Variants in CD4 observed in about 807,000 individuals in gnomAD.
CD4 encodes the protein CD4 molecule.
In CD4, 25 loss-of-function variants were observed where a neutral mutation model predicts 50.5. That is an observed-to-expected ratio of 0.49 (90% confidence interval 0.36 to 0.69). CD4 has a LOEUF of 0.69. CD4 is among the 30% of genes least tolerant of loss of function. The probability of loss-of-function intolerance (pLI) is 0.00; values close to 1 mark genes in which losing one functional copy is unlikely to be tolerated. For missense variants in CD4, 456 were observed against 548.5 expected (o/e 0.83, Z 1.68); for synonymous variants, 207 against 221.9 (o/e 0.93, Z 0.60).
chr12:6,814,115 C>T, intron 3 of CD4, 27 bp from the exon 4 acceptor site: 4 of 1,598,346 alleles, frequency 2.5e-6, no homozygotes, highest in Non-Finnish European at 3.4e-6. Flanking sequence ...GCGCCTCAGT[C>T]CCCCCCCATA....
chr12:6,816,235 G>T lies in CD4; in HGVS notation c.787G>T (p.Val263Leu), dbSNP rs202234884. Residue 263 changes from valine (V) to leucine (L), a missense_variant, in exon 6 of 10, where the codon GTA becomes TTA. Val to Leu is a conservative substitution (Grantham distance 32). Coordinates refer to ENST00000011653, the MANE Select transcript of CD4 (RefSeq NM_000616.5). The surrounding 1 kb of genome is among the most constrained non-coding windows in gnomAD (Gnocchi z 4.9). ...TFDLKNKEVS[V>L]KRVTQDPKLQ... is the part of the protein sequence containing the mutation. ...TGACCTGAAGAACAAGGAAGTGTCT[G>T]TAAAACGGGTTACCCAGGACCCTAA... 7 of 1,614,224 alleles carry T rather than the reference G, an allele frequency of 4.3e-6. No individual in the cohort carries two copies. Among genetic ancestry groups the T allele is most frequent in the Non-Finnish European group, 5.9e-6 (7 of 1,180,030 alleles).
At chr12:6,801,197 T>C (rs1209592621) in intron 3 of CD4, among the ~76,000 whole-genome samples, 5 of 151,008 alleles carry the variant, frequency 3.3e-5, no homozygotes, top group Non-Finnish European at 7.4e-5. Flanking sequence ...TGTGTCACTA[T>C]GCCTAGCCAA....
At chr12:6,815,460 G>C (rs1437803507) in intron 5 of CD4, among the ~76,000 whole-genome samples, 1 of 152,074 alleles carries the variant, frequency 6.6e-6, no homozygotes, top group African/African-American at 2.4e-5. Context: ...CTGTCCCCTG[G>C]GTGCTTATGT....
In CD4 at chr12:6,814,980, A is replaced by T. The variant is rs782497073; in HGVS notation, c.595A>T (p.Ile199Phe). The change falls in exon 5 of 10, where the codon ATC (isoleucine) becomes TTC (phenylalanine). Residue 199 changes from isoleucine (I) to phenylalanine (F), a missense_variant. Physicochemically the swap from Ile to Phe is conservative, Grantham distance 21. Coordinates refer to ENST00000011653, the MANE Select transcript of CD4 (RefSeq NM_000616.5). ...NQKKVEFKID[I>F]VVLAFQKASS... ...GAAGAAGGTGGAGTTCAAAATAGAC[A>T]TCGTGGTGCTAGGTAAGGGAAGCCC... 1.1e-4 allele frequency: 182 copies of T among 1,611,184 alleles called. 1 individual carries two copies. In the East Asian group the frequency reaches 3.9e-3, roughly 35 times the overall value.
At position 6,800,390 on chromosome 12, in the gene CD4, CAGA is replaced by C. The variant is rs571941158; in HGVS notation, c.140_142del (p.Lys47del). The C allele has an allele frequency of 1.2e-5, 20 of 1,613,984 alleles. No individual in the cohort carries two copies. Among genetic ancestry groups the C allele is most frequent in the Non-Finnish European group, 1.6e-5 (19 of 1,179,882 alleles). Reference sequence around the variant, plus strand: ...AGTGGAACTGACCTGTACAGCTTCCCAGAAGAAGAGCATACAATTCCACTGGAA... The same window carrying C: ...AGTGGAACTGACCTGTACAGCTTCCCAGAAGAGCATACAATTCCACTGGAA... On this transcript the variant is annotated inframe_deletion, in exon 3 of 10. Transcript: ENST00000011653.
chr12:6,817,898 T>C (rs989338071), intron 7 of CD4, among the ~76,000 whole-genome samples: 1 of 150,002 alleles, frequency 6.7e-6, no homozygotes, highest in African/African-American at 2.5e-5. Flanking sequence ...TTCACGCACA[T>C]ACTCTCACCC....
chr12:6,796,644 CA>C (rs1217116220), intron 1 of CD4, among the ~76,000 whole-genome samples: 1 of 152,244 alleles, frequency 6.6e-6, no homozygotes, highest in East Asian at 1.9e-4. Context: ...ACATCTTTAC[CA>C]AAAAATCAGC....
intron 1 of CD4, among the ~76,000 whole-genome samples, chr12:6,790,182 C>G (rs1022458147): frequency 7.3e-6 from 1 of 137,702 alleles, no homozygotes; most frequent in African/African-American, 2.8e-5. Flanking sequence ...GGAATCTAGT[C>G]TAGAGAAAAT....
rs1341272695 is a variant in CD4, at chr12:6,814,532, G to C, written c.374-227G>C. The C allele has an allele frequency of 1.1e-5, 7 of 647,128 alleles. No homozygotes were observed. The East Asian group carries it at 1.4e-4, about 13-fold the overall frequency. 40.1% of individuals were successfully genotyped at this position (647,128 alleles called of 1,614,324 possible). ...AAGGAAAGAAAAGGGAAGGAGGCAA[G>C]GGAAGGAGGGAGAGAGACTGGGGAA... On this transcript the variant is annotated intron_variant, in intron 4 of 9. Transcript: ENST00000011653.
intron 3 of CD4, among the ~76,000 whole-genome samples, chr12:6,808,179 G>A (rs1942827360): frequency 6.6e-6 from 1 of 151,474 alleles, no homozygotes; most frequent in African/African-American, 2.4e-5. Flanking sequence ...GATTGGCCAG[G>A]CGCAGTGGCT....
intron 7 of CD4, 105 bp downstream of exon 7, chr12:6,817,435 G>C (rs1464737989): frequency 1.0e-6 from 1 of 974,206 alleles, no homozygotes; most frequent in Admixed American, 2.1e-5. Context: ...GAGTTGGGGG[G>C]TTATGGGTAT....
Position 6,819,382 on chromosome 12 carries a change from G to C in CD4, c.*53G>C. 1 of 1,565,694 alleles carries C rather than the reference G, an allele frequency of 6.4e-7. No homozygotes were observed. Among genetic ancestry groups the C allele is most frequent in the Non-Finnish European group, 8.8e-7 (1 of 1,135,964 alleles). ...CAGCCTCCCCAGGTGTCTGCCCCGCGTTTCCTGCCTGCGGACCAGATGAAT... is the reference window on the plus strand; with the variant it reads ...CAGCCTCCCCAGGTGTCTGCCCCGCCTTTCCTGCCTGCGGACCAGATGAAT... On this transcript the variant is annotated 3_prime_UTR_variant, in exon 10 of 10. Transcript: ENST00000011653.
chr12:6,817,351 G>A (rs1943108214), intron 7 of CD4, 21 bp downstream of exon 7: 2 of 1,546,768 alleles, frequency 1.3e-6, no homozygotes, highest in South Asian at 2.4e-5. Context: ...AGGTTCCAAG[G>A]CCTCTGCCTC....
At position 6,802,403 on chromosome 12, in the gene CD4, G is replaced by A. The variant is rs141443997; in HGVS notation, c.214+1932G>A. Among the ~76,000 whole-genome samples, 147 of 150,772 alleles carry A rather than the reference G, an allele frequency of 9.7e-4. 1 individual carries two copies. In the East Asian group the frequency reaches 0.024, roughly 25 times the overall value. On this transcript the variant is annotated intron_variant, in intron 3 of 9. Coordinates refer to ENST00000011653, the MANE Select transcript of CD4 (RefSeq NM_000616.5). ...AGTGGCATGACCACAACACATCACA[G>A]CCTCAAGTGATCTTCCCACTTCAGC...
chr12:6,799,959 G>C, intron 1 of CD4, 113 bp from the exon 2 acceptor site: 1 of 607,436 alleles, frequency 1.6e-6, no homozygotes, highest in Non-Finnish European at 2.9e-6. Context: ...CTATTCTCCT[G>C]CCTCAAGTTC....
intron 5 of CD4, chr12:6,815,625 T>C (rs1943064641): frequency 2.3e-6 from 2 of 873,334 alleles, no homozygotes; most frequent in Admixed American, 2.3e-5. Context: ...TTAACTGCCA[T>C]AGTGACTACC....
At position 6,819,642 on chromosome 12, in the gene CD4, C is replaced by T; in HGVS notation, c.*313C>T. ...ATCCCAGGGGAGTGTTCAGGGCCAG[C>T]CCTGGCTGGCATGGAGGGTGAGGCT... On this transcript the variant is annotated 3_prime_UTR_variant, in exon 10 of 10. Transcript: ENST00000011653. 2.5e-6 allele frequency: 1 copy of T among 402,868 alleles called. No individual in the cohort carries two copies. The highest frequency in any genetic ancestry group is 4.5e-6 in the Non-Finnish European group (1 of 219,886). 25.0% of individuals were successfully genotyped at this position (402,868 alleles called of 1,614,324 possible). A position where few individuals can be genotyped will look rare whatever the true frequency, so the allele number is the denominator to read the frequency against.
chr12:6,802,169 T>C (rs769925514), intron 3 of CD4, among the ~76,000 whole-genome samples: 4 of 152,054 alleles, frequency 2.6e-5, no homozygotes, highest in Admixed American at 6.6e-5. Context: ...CTACTGCACT[T>C]GGCCTTTTCT....
chr12:6,819,997 C>T lies in CD4; in HGVS notation c.*668C>T, dbSNP rs1234329892. 6.6e-6 allele frequency: 1 copy of T among 152,468 alleles called. No individual in the cohort carries two copies. The highest frequency in any genetic ancestry group is 1.5e-5 in the Non-Finnish European group (1 of 68,154). The allele number at this position is 152,468 out of a possible 1,614,324, so 9.4% of individuals were successfully genotyped here. A position where few individuals can be genotyped will look rare whatever the true frequency, so the allele number is the denominator to read the frequency against. On this transcript the variant is annotated 3_prime_UTR_variant, in exon 10 of 10. Coordinates refer to ENST00000011653, the MANE Select transcript of CD4 (RefSeq NM_000616.5). Reference sequence around the variant, plus strand: ...CTGGCAGTGACAGAACTAAGATGATCATCTCCAGTTTATAGACCAGAACCA... The same window carrying T: ...CTGGCAGTGACAGAACTAAGATGATTATCTCCAGTTTATAGACCAGAACCA...
Sources: allele counts gnomAD v4.1 joint callset (sites outside exome capture counted in the v4.1 genomes callset), GRCh38; gene constraint gnomAD v4.1.1; non-coding constraint Gnocchi (gnomAD v3.1); transcripts MANE v1.5; gene names NCBI Gene and HGNC (gene_info 2026-07-23, HGNC 2026-07-21).